CD40: variants seen among roughly 807,000 people sequenced by gnomAD.
CD40 encodes the protein tumor necrosis factor receptor superfamily member 5.
Under a neutral mutation model 38.5 loss-of-function variants are expected in CD40, and 19 were observed. The observed-to-expected ratio is 0.49, with a 90% CI of 0.34 to 0.72. The LOEUF is 0.72. Ranked by LOEUF, CD40 falls within the 30% of genes least tolerant of loss-of-function variation. The probability of loss-of-function intolerance (pLI) is 0.01; values close to 1 mark genes in which losing one functional copy is unlikely to be tolerated. For synonymous variants in CD40, 130 were observed against 128.7 expected, an observed-to-expected ratio of 1.01 and a Z score of -0.07; for missense variants, 256 against 344.1, an observed-to-expected ratio of 0.74 and a Z score of 2.03.
In CD40 at chr20:46,126,496, CG is replaced by C. The variant is rs1298480319; in HGVS notation, c.498-143del. 13 of 838,474 alleles carry C rather than the reference CG, an allele frequency of 1.6e-5. No homozygotes were observed. In the East Asian group the frequency reaches 3.2e-4, roughly 20 times the overall value. The allele number at this position is 838,474 out of a possible 1,614,324, so 51.9% of individuals were successfully genotyped here. A position where few individuals can be genotyped will look rare whatever the true frequency, so the allele number is the denominator to read the frequency against. ...CGTTCCTATAATAACCAGCATAGGACGTTGCACGTGTTGTGTGCTCAGTGAA... is the reference window on the plus strand; with the variant it reads ...CGTTCCTATAATAACCAGCATAGGACTTGCACGTGTTGTGTGCTCAGTGAA... On this transcript the variant is annotated intron_variant, in intron 5 of 8. Transcript: ENST00000372285.
chr20:46,129,563 T>C lies in CD40; in HGVS notation c.*523T>C. ...GAGTAAGGAAAAAAAGGCATGCTGC[T>C]GAATGATGGGTATGGAACTTTTTAA... On this transcript the variant is annotated 3_prime_UTR_variant, in exon 9 of 9. Transcript: ENST00000372285. 1 of 181,686 alleles carries C rather than the reference T, an allele frequency of 5.5e-6. No homozygotes were observed. The highest frequency in any genetic ancestry group is 1.2e-5 in the Non-Finnish European group (1 of 84,352). 11.3% of individuals were successfully genotyped at this position (181,686 alleles called of 1,614,324 possible).
At chr20:46,120,822 T>C (rs1043566892) in intron 1 of CD40, among the ~76,000 whole-genome samples, 1 of 152,220 alleles carries the variant, frequency 6.6e-6, no homozygotes, top group Non-Finnish European at 1.5e-5. Flanking sequence ...CCCAGCACTT[T>C]GGGAGGCCAA....
chr20:46,119,316 G>A (rs1424453263), intron 1 of CD40, among the ~76,000 whole-genome samples: 2 of 152,208 alleles, frequency 1.3e-5, no homozygotes, highest in Non-Finnish European at 2.9e-5. Flanking sequence ...CCTGCCTGAA[G>A]CCTGGGCAGG....
At position 46,129,216 on chromosome 20, in the gene CD40, C is replaced by T; in HGVS notation, c.*176C>T. On this transcript the variant is annotated 3_prime_UTR_variant, in exon 9 of 9. Transcript: ENST00000372285. ...GGAGACCTGGCACTGGATGCAGAAA[C>T]AGTTCACCTTGAAGAACCTCTCACT... 4.3e-6 allele frequency: 3 copies of T among 691,576 alleles called. No individual in the cohort carries two copies. In the East Asian group the frequency reaches 8.2e-5, roughly 19 times the overall value. 42.8% of individuals were successfully genotyped at this position (691,576 alleles called of 1,614,324 possible).
Position 46,118,315 on chromosome 20 carries a change from G to T in CD40, c.-29G>T, listed in dbSNP as rs972292207. On this transcript the variant is annotated 5_prime_UTR_variant, in exon 1 of 9. Transcript: ENST00000372285. ...AGCAGAGGCCTCGCTCGGGCGCCCA[G>T]TGGTCCTGCCGCCTGGTCTCACCTC... 9 of 1,611,814 alleles carry T rather than the reference G, an allele frequency of 5.6e-6. No individual in the cohort carries two copies. The African/African-American group carries it at 1.2e-4, about 21-fold the overall frequency.
chr20:46,125,778 T>C (rs1020189646), intron 5 of CD40, among the ~76,000 whole-genome samples: 3 of 152,158 alleles, frequency 2.0e-5, no homozygotes, highest in African/African-American at 4.8e-5. Flanking sequence ...TCTGGGCAGC[T>C]GAATCTTCTC....
Position 46,128,899 on chromosome 20 carries a change from G to C in CD40, c.693G>C (p.Gln231His). 6.2e-7 allele frequency: 1 copy of C among 1,614,138 alleles called. No homozygotes were observed. ...CTCTCCAGGCCCCCCACCCCAAGCA[G>C]GAACCCCAGGAGATCAATTTTCCCG... ...KPTNKAPHPKQEPQEINFPDD... is the reference protein window; with the variant it reads ...KPTNKAPHPKHEPQEINFPDD... Residue 231 changes from glutamine to histidine, a missense_variant, in exon 9 of 9, where the codon CAG (glutamine) becomes CAC (histidine). Gln to His is a conservative substitution (Grantham distance 24, BLOSUM62 0). Coordinates refer to ENST00000372285, the MANE Select transcript of CD40 (RefSeq NM_001250.6).
At chr20:46,121,069 A>T (rs1173064203) in intron 1 of CD40, among the ~76,000 whole-genome samples, 1 of 152,222 alleles carries the variant, frequency 6.6e-6, no homozygotes, top group Non-Finnish European at 1.5e-5. Context: ...TGTCTCAAAA[A>T]ATAAAATAAA....
chr20:46,128,282 C>G (rs771402513), intron 7 of CD40, 48 bp from the exon 8 acceptor site: 37 of 1,589,278 alleles, frequency 2.3e-5, no homozygotes, highest in Non-Finnish European at 2.9e-5. Flanking sequence ...TGTTTCTTAT[C>G]TGGCCTCTCC....
intron 2 of CD40, 39 bp downstream of exon 2, chr20:46,121,937 CT>C: frequency 6.5e-7 from 1 of 1,545,274 alleles, no homozygotes; most frequent in Non-Finnish European, 9.0e-7. Flanking sequence ...TGGAGTCCCC[CT>C]TTGCTTTGGT....
chr20:46,124,750 A>ATTTTTT (rs1568908672), intron 5 of CD40, among the ~76,000 whole-genome samples: 1 of 65,446 alleles, frequency 1.5e-5, no homozygotes, highest in Non-Finnish European at 3.4e-5. Context: ...CCACTGGTAT[A>ATTTTTT]GTTTTTTTTT....
chr20:46,123,758 C>T (rs1401442513), intron 5 of CD40, among the ~76,000 whole-genome samples: 1 of 152,180 alleles, frequency 6.6e-6, no homozygotes, highest in Non-Finnish European at 1.5e-5. Flanking sequence ...TCTCTCCCCT[C>T]CTGCTGGTTC....
At chr20:46,120,232 C>G (rs560125613) in intron 1 of CD40, among the ~76,000 whole-genome samples, 56 of 152,318 alleles carry the variant, frequency 3.7e-4, no homozygotes, top group Admixed American at 2.7e-3. Context: ...ATTTAATGAG[C>G]ACCTACTATG....
At chr20:46,125,887 T>A (rs2085425282) in intron 5 of CD40, among the ~76,000 whole-genome samples, 3 of 152,188 alleles carry the variant, frequency 2.0e-5, no homozygotes. Flanking sequence ...AGACACAATT[T>A]TCCATAGTTT....
In CD40 at chr20:46,128,156, G is replaced by C; in HGVS notation, c.578G>C (p.Arg193Thr). The change falls in exon 7 of 9, where the codon AGA becomes ACA. Residue 193 changes from arginine to threonine, a missense_variant. By Grantham distance (71) the Arg-to-Thr change is moderately conservative. Coordinates refer to ENST00000372285, the MANE Select transcript of CD40 (RefSeq NM_001250.6). ...TCTCCAGGTCCCCAGGATCGGCTGA[G>C]AGCCCTGGTGGTGATCCCCATCATC... ...DVVCGPQDRLRALVVIPIIFG... is the reference protein window; with the variant it reads ...DVVCGPQDRLTALVVIPIIFG... 6.2e-7 allele frequency: 1 copy of C among 1,613,986 alleles called. No homozygotes were observed.
At position 46,128,878 on chromosome 20, in the gene CD40, C is replaced by T. The variant is rs769512165; in HGVS notation, c.676-4C>T. ...GGGGGTGACCTCACACCTTGCCTCTCCAGGCCCCCCACCCCAAGCAGGAAC... is the reference window on the plus strand; with the variant it reads ...GGGGGTGACCTCACACCTTGCCTCTTCAGGCCCCCCACCCCAAGCAGGAAC... On this transcript the variant is annotated splice_region_variant and splice_polypyrimidine_tract_variant and intron_variant, in intron 8 of 8. Coordinates refer to ENST00000372285, the MANE Select transcript of CD40 (RefSeq NM_001250.6). 5.0e-6 allele frequency: 8 copies of T among 1,613,932 alleles called. No homozygotes were observed. The East Asian group carries it at 6.7e-5, about 13-fold the overall frequency.
chr20:46,128,457 C>G (rs2085482889), intron 8 of CD40, 99 bp downstream of exon 8: 1 of 1,334,716 alleles, frequency 7.5e-7, no homozygotes, highest in Admixed American at 1.8e-5. Context: ...GAGTCTGTCT[C>G]TGCAGCCAGT....
chr20:46,118,368 G>T lies in CD40; in HGVS notation c.25G>T (p.Val9Phe), dbSNP rs910523454. 1 of 1,613,980 alleles carries T rather than the reference G, an allele frequency of 6.2e-7. No individual in the cohort carries two copies. Among genetic ancestry groups the T allele is most frequent in the East Asian group, 2.2e-5 (1 of 44,880 alleles). MVRLPLQC[V>F]LWGCLLTAVH... ...TATGGTTCGTCTGCCTCTGCAGTGC[G>T]TCCTCTGGGGCTGCTTGCTGACCGC... The change falls in exon 1 of 9, where the codon GTC (valine) becomes TTC (phenylalanine). Residue 9 changes from valine to phenylalanine, a missense_variant. Val to Phe is a conservative substitution (Grantham distance 50, BLOSUM62 -1). Transcript: ENST00000372285.
In CD40 at chr20:46,123,120, T is replaced by C; in HGVS notation, c.404-6T>C. On this transcript the variant is annotated splice_region_variant and splice_polypyrimidine_tract_variant and intron_variant, in intron 4 of 8. Transcript: ENST00000372285. The stretch of plus-strand genomic sequence containing the variant: ...GGTTAATGTCCCCCTCCCCACCCAC[T>C]CCCAGCTACAGGGGTTTCTGATACC... 1.2e-6 allele frequency: 2 copies of C among 1,611,218 alleles called. No individual in the cohort carries two copies. Among genetic ancestry groups the C allele is most frequent in the South Asian group, 1.1e-5 (1 of 91,022 alleles).
Sources: gnomAD v4.1 joint callset for allele counts (sites outside exome capture counted in the v4.1 genomes callset) on GRCh38, gnomAD v4.1.1 for gene constraint, MANE v1.5 for transcripts, NCBI Gene and HGNC (gene_info 2026-07-23, HGNC 2026-07-21) for gene names.